DOCK7: variants seen among roughly 807,000 people sequenced by gnomAD.
The protein encoded by DOCK7 is dedicator of cytokinesis 7.
DOCK7 carries 138 observed loss-of-function variants against 271.0 expected under a neutral mutation model. That is an observed-to-expected ratio of 0.51 (90% CI 0.44 to 0.59). The LOEUF (loss-of-function observed/expected upper bound fraction) is 0.59. Ranked by LOEUF, DOCK7 falls within the 20% of genes least tolerant of loss-of-function variation. DOCK7 has a pLI of 0.00. For synonymous variants in DOCK7, 823 were observed against 876.1 expected (o/e 0.94, Z 1.07); for missense variants, 2,066 against 2,592.4 (o/e 0.80, Z 4.41).
At chr1:62,598,841 C>A in intron 14 of DOCK7, 1 of 1,276,348 alleles carries the variant, frequency 7.8e-7, no homozygotes, top group Non-Finnish European at 1.1e-6. Flanking sequence ...TCCCATCTTT[C>A]ACACAGGTCT....
chr1:62,622,485 A>G (rs1240162618), intron 12 of DOCK7, among the ~76,000 whole-genome samples: 1 of 151,998 alleles, frequency 6.6e-6, no homozygotes, highest in African/African-American at 2.4e-5. Flanking sequence ...ACAAGGCCTC[A>G]CTTTGTCACC....
At chr1:62,675,055 G>A (rs1437682987) in intron 1 of DOCK7, among the ~76,000 whole-genome samples, 1 of 152,128 alleles carries the variant, frequency 6.6e-6, no homozygotes, top group Non-Finnish European at 1.5e-5. Flanking sequence ...ATCTAAAGAA[G>A]GACTTTTACT....
intron 30 of DOCK7, among the ~76,000 whole-genome samples, chr1:62,528,846 A>C (rs956238886): frequency 3.9e-5 from 6 of 152,232 alleles, no homozygotes; most frequent in African/African-American, 1.4e-4. Flanking sequence ...GTTTTGAAGA[A>C]GTAATACCAC....
intron 48 of DOCK7, among the ~76,000 whole-genome samples, chr1:62,466,920 AAAC>A (rs1362819091): frequency 2.0e-5 from 3 of 152,128 alleles, no homozygotes; most frequent in East Asian, 1.9e-4. Flanking sequence ...TGTCTCAAAA[AAAC>A]AAAAACAAAA....
chr1:62,489,496 A>G (rs1646396716), intron 41 of DOCK7, among the ~76,000 whole-genome samples: 1 of 152,210 alleles, frequency 6.6e-6, no homozygotes, highest in Non-Finnish European at 1.5e-5. Flanking sequence ...TTTCCAATAG[A>G]AAATAAAAAC....
Position 62,512,523 on chromosome 1 carries a change from T to C in DOCK7, c.4282+921A>G, listed in dbSNP as rs1027602373. Reference sequence around the variant, plus strand: ...CTGGGATTAGAAAACCAGTCTCAAATGCTACTAAACTGTTTTGTCTCACTG... The same window carrying C: ...CTGGGATTAGAAAACCAGTCTCAAACGCTACTAAACTGTTTTGTCTCACTG... On this transcript the variant is annotated intron_variant, in intron 33 of 49. Transcript: ENST00000635253. Among the ~76,000 whole-genome samples the C allele has an allele frequency of 4.6e-5, 7 of 152,262 alleles. No individual in the cohort carries two copies. The South Asian group carries it at 6.2e-4, about 14-fold the overall frequency.
rs1173529301 is a variant in DOCK7, at chr1:62,492,761, G to A, written c.5304C>T (p.Tyr1768=). 1 of 1,614,090 alleles carries A rather than the reference G, an allele frequency of 6.2e-7. No homozygotes were observed. The highest frequency in any genetic ancestry group is 1.1e-5 in the South Asian group (1 of 91,084). ...ATCCCACAAGTCCTGACTCAGTAAA[G>A]TATTTTCCAGAGCAGATACCTTCTT... is the stretch of plus-strand genomic sequence containing the variant. ...PDEEGICSGK[Y]FTESGLVGLL... The change falls in exon 41 of 50, where the codon TAC becomes TAT. Residue 1768 remains tyrosine, a synonymous_variant. Transcript: ENST00000635253.
intron 14 of DOCK7, among the ~76,000 whole-genome samples, chr1:62,593,440 G>T (rs1648756138): frequency 6.6e-6 from 1 of 151,996 alleles, no homozygotes; most frequent in Non-Finnish European, 1.5e-5. Context: ...CTTGGTTGGG[G>T]GTGCCTGTAA....
intron 14 of DOCK7, chr1:62,602,341 A>C: frequency 6.2e-7 from 1 of 1,611,022 alleles, no homozygotes; most frequent in Non-Finnish European, 8.5e-7. Flanking sequence ...CTTCAATGAA[A>C]CGTGGGAGAA....
intron 7 of DOCK7, among the ~76,000 whole-genome samples, chr1:62,645,538 G>C (rs12140341): frequency 6.6e-6 from 1 of 152,158 alleles, no homozygotes; most frequent in Non-Finnish European, 1.5e-5. Flanking sequence ...TTGAGGAAAA[G>C]AGGCACTTAC....
intron 14 of DOCK7, among the ~76,000 whole-genome samples, chr1:62,597,241 A>T (rs1013353954): frequency 6.6e-6 from 1 of 152,180 alleles, no homozygotes; most frequent in African/African-American, 2.4e-5. Flanking sequence ...AATCTCTTAA[A>T]ATCATAAAAA....
At position 62,560,009 on chromosome 1, in the gene DOCK7, A is replaced by G. The variant is rs1557717462; in HGVS notation, c.2200-789T>C. 2.0e-5 allele frequency among the ~76,000 whole-genome samples: 3 copies of G among 152,262 alleles called. No individual in the cohort carries two copies. The East Asian group carries it at 5.8e-4, about 29-fold the overall frequency. ...GTACTGAACTTCTGTGGCAGACAAC[A>G]TTTCACATATGTTGTTTCAACTTGC... is the stretch of plus-strand genomic sequence containing the variant. On this transcript the variant is annotated intron_variant, in intron 19 of 49. Transcript: ENST00000635253.
intron 48 of DOCK7, among the ~76,000 whole-genome samples, chr1:62,464,794 C>A (rs1348395630): frequency 6.6e-6 from 1 of 152,002 alleles, no homozygotes; most frequent in East Asian, 1.9e-4. Flanking sequence ...TACAGCTGAC[C>A]ATTTAACAAC....
chr1:62,531,764 C>T (rs1482279148), intron 29 of DOCK7, among the ~76,000 whole-genome samples: 4 of 152,190 alleles, frequency 2.6e-5, no homozygotes, highest in African/African-American at 9.7e-5. Context: ...CTATATACCT[C>T]CCAAGACAGT....
At chr1:62,607,509 T>C (rs1651172898) in intron 14 of DOCK7, among the ~76,000 whole-genome samples, 2 of 152,194 alleles carry the variant, frequency 1.3e-5, no homozygotes, top group South Asian at 4.1e-4. Context: ...ATTATATAAG[T>C]AGTCTCTTCT....
intron 43 of DOCK7, chr1:62,483,178 T>TC (rs1646182723): frequency 7.5e-5 from 2 of 26,742 alleles, no homozygotes; most frequent in Non-Finnish European, 1.5e-4. Context: ...CAGCTAATTT[T>TC]TTTTTTTTTT....
At chr1:62,470,906 G>T (rs1372592764) in intron 48 of DOCK7, among the ~76,000 whole-genome samples, 1 of 151,798 alleles carries the variant, frequency 6.6e-6, no homozygotes, top group African/African-American at 2.4e-5. Flanking sequence ...GAGTGTGCTT[G>T]CCCCTTCTGC....
rs12567588 is a variant in DOCK7 at position 62,556,757 on chromosome 1, A to G, written c.2432-768T>C. Among the ~76,000 whole-genome samples the G allele has an allele frequency of 3.4e-4, 52 of 152,300 alleles. 2 individuals carry two copies. The East Asian group carries it at 8.7e-3, about 25-fold the overall frequency. The stretch of plus-strand genomic sequence containing the variant: ...TTAACCAAGACAGGAAATTATGAAG[A>G]GATAATGAGGCCAATTAAGTTTTCC... On this transcript the variant is annotated intron_variant, in intron 20 of 49. Coordinates refer to ENST00000635253, the MANE Select transcript of DOCK7 (RefSeq NM_001367561.1).
At chr1:62,606,096 G>A (rs970750088) in intron 14 of DOCK7, 5 of 151,536 alleles carry the variant, frequency 3.3e-5, no homozygotes, top group African/African-American at 1.2e-4. Flanking sequence ...TGATCTATGT[G>A]AATCCTAAGT....
Sources: allele counts gnomAD v4.1 joint callset (sites outside exome capture counted in the v4.1 genomes callset), GRCh38; gene constraint gnomAD v4.1.1; transcripts MANE v1.5; gene names NCBI Gene and HGNC (gene_info 2026-07-23, HGNC 2026-07-21).